ARHGEF38: variants seen among roughly 807,000 people sequenced by gnomAD.
ARHGEF38 encodes the protein Rho guanine nucleotide exchange factor 38.
Under a neutral mutation model 79.9 loss-of-function variants are expected in ARHGEF38, and 79 were observed. The ratio of observed to expected loss-of-function variants is 0.99; its 90% CI spans 0.82 to 1.19. ARHGEF38 has a LOEUF of 1.19. Among genes scored for constraint, ARHGEF38 ranks in the 50% most tolerant of loss-of-function variants. ARHGEF38 has a pLI of 0.00. For synonymous variants in ARHGEF38, 366 were observed against 328.3 expected, an observed-to-expected ratio of 1.11 and a Z score of -1.24; for missense variants, 962 against 907.2, an observed-to-expected ratio of 1.06 and a Z score of -0.78.
intron 1 of ARHGEF38, among the ~76,000 whole-genome samples, chr4:105,560,256 A>T (rs1426717234): frequency 6.6e-6 from 1 of 152,214 alleles, no homozygotes; most frequent in Admixed American, 6.5e-5. Flanking sequence ...GTCGGGGAAC[A>T]AAATTACAAA....
At position 105,663,270 on chromosome 4, in the gene ARHGEF38, A is replaced by G. The variant is rs1045686568; in HGVS notation, c.1546-2907A>G. On this transcript the variant is annotated intron_variant, in intron 10 of 13. Transcript: ENST00000420470. ...TATCCTTCTGTTTAAATTTTCTCAT[A>G]TGAATTAAAATGAGAATAATAATGT... 6.6e-5 allele frequency among the ~76,000 whole-genome samples: 10 copies of G among 152,320 alleles called. No individual in the cohort carries two copies. The South Asian group carries it at 2.1e-3, about 32-fold the overall frequency.
chr4:105,561,409 A>G (rs76684396), intron 1 of ARHGEF38, among the ~76,000 whole-genome samples: 1,255 of 51,142 alleles, frequency 0.025, 75 homozygotes, highest in African/African-American at 0.03. Context: ...ATAATAGAAT[A>G]GAATAGAATA....
intron 13 of ARHGEF38, among the ~76,000 whole-genome samples, chr4:105,673,338 G>T (rs1035901887): frequency 6.6e-6 from 1 of 151,996 alleles, no homozygotes; most frequent in Admixed American, 6.6e-5. Context: ...GTTTAATAAC[G>T]GCTAAAACCC....
intron 1 of ARHGEF38, among the ~76,000 whole-genome samples, chr4:105,575,297 A>G (rs913531217): frequency 4.6e-5 from 7 of 152,088 alleles, no homozygotes; most frequent in African/African-American, 1.7e-4. Flanking sequence ...TTCTCCTTTC[A>G]TTACATCTAC....
At chr4:105,576,913 G>A (rs377740094) in intron 1 of ARHGEF38, among the ~76,000 whole-genome samples, 9 of 151,956 alleles carry the variant, frequency 5.9e-5, no homozygotes, top group South Asian at 2.1e-4. Context: ...GTGATGTATC[G>A]CACATATTGA....
chr4:105,605,783 C>T (rs891078940), intron 2 of ARHGEF38, among the ~76,000 whole-genome samples: 2 of 152,194 alleles, frequency 1.3e-5, no homozygotes, highest in Admixed American at 1.3e-4. Context: ...CCAGTGGTTG[C>T]TGGGGCTTTC....
At chr4:105,666,464 T>A (rs1730753423) in intron 11 of ARHGEF38, 144 bp downstream of exon 11, 2 of 997,748 alleles carry the variant, frequency 2.0e-6, no homozygotes, top group Admixed American at 3.4e-5. Context: ...TACATTTCTA[T>A]CCTATATACC....
At chr4:105,618,033 G>T (rs1319911116) in intron 3 of ARHGEF38, among the ~76,000 whole-genome samples, 1 of 151,878 alleles carries the variant, frequency 6.6e-6, no homozygotes, top group Admixed American at 6.6e-5. Context: ...GAGAATGAAA[G>T]AAAACAATTC....
At position 105,659,332 on chromosome 4, in the gene ARHGEF38, C is replaced by A; in HGVS notation, c.1512C>A (p.Leu504=). Residue 504 remains leucine (L), a synonymous_variant, in exon 10 of 14, where the codon CTC becomes CTA. Coordinates refer to ENST00000420470, the MANE Select transcript of ARHGEF38 (RefSeq NM_001242729.2). ...TTACCCTCCTTAGGGACCTGATGCT[C>A]GTGGCACAGCAGGCTTACTCCACAC... The part of the protein sequence containing the change: ...SFITLLRDLM[L]VAQQAYSTLV... The A allele has an allele frequency of 2.6e-6, 4 of 1,535,444 alleles. No individual in the cohort carries two copies. Among genetic ancestry groups the A allele is most frequent in the East Asian group, 4.9e-5 (2 of 40,908 alleles).
In ARHGEF38 at chr4:105,575,002, A is replaced by G. The variant is rs1003076446; in HGVS notation, c.197-14246A>G. ...CATATATATATATGTACACACATAC[A>G]CACACATATATACACACACACACAC... is the stretch of plus-strand genomic sequence containing the variant. On this transcript the variant is annotated intron_variant, in intron 1 of 13. Coordinates refer to ENST00000420470, the MANE Select transcript of ARHGEF38 (RefSeq NM_001242729.2). 7.8e-5 allele frequency among the ~76,000 whole-genome samples: 7 copies of G among 90,302 alleles called. No individual in the cohort carries two copies. In the Admixed American group the frequency reaches 9.1e-4, roughly 12 times the overall value. The allele number at this position is 90,302 out of a possible 152,430, so 59.2% of individuals were successfully genotyped here.
chr4:105,659,900 C>A (rs1730496725), intron 10 of ARHGEF38, among the ~76,000 whole-genome samples: 1 of 143,180 alleles, frequency 7.0e-6, no homozygotes, highest in African/African-American at 2.9e-5. Context: ...GCTTCGCCTC[C>A]CATTAGGATA....
intron 5 of ARHGEF38, among the ~76,000 whole-genome samples, chr4:105,640,184 TCC>T (rs758776779): frequency 1.3e-5 from 2 of 151,914 alleles, no homozygotes; most frequent in Non-Finnish European, 2.9e-5. Flanking sequence ...ATTTCTCCAT[TCC>T]CCCTAAGTTG....
rs77466092 is a variant in ARHGEF38 at position 105,680,500 on chromosome 4, A to G, written c.*2563A>G. 1.9e-4 allele frequency: 29 copies of G among 153,684 alleles called. No individual in the cohort carries two copies. The East Asian group carries it at 5.3e-3, about 28-fold the overall frequency. The allele number at this position is 153,684 out of a possible 1,614,324, so 9.5% of individuals were successfully genotyped here. A position where few individuals can be genotyped will look rare whatever the true frequency, so the allele number is the denominator to read the frequency against. On this transcript the variant is annotated 3_prime_UTR_variant, in exon 14 of 14. Coordinates refer to ENST00000420470, the MANE Select transcript of ARHGEF38 (RefSeq NM_001242729.2). Reference sequence around the variant, plus strand: ...ATAACAAACTAAATAAAATGATCATAAAATAATAAATGCTATTTATATAAA... The same window carrying G: ...ATAACAAACTAAATAAAATGATCATGAAATAATAAATGCTATTTATATAAA...
chr4:105,655,681 T>C lies in ARHGEF38; in HGVS notation c.1192T>C (p.Ser398Pro), dbSNP rs552490292. 12 of 1,535,838 alleles carry C rather than the reference T, an allele frequency of 7.8e-6. No homozygotes were observed. In the South Asian group the frequency reaches 1.4e-4, roughly 18 times the overall value. The change falls in exon 9 of 14, where the codon TCT (serine) becomes CCT (proline). Residue 398 changes from serine (S) to proline (P), a missense_variant. Transcript: ENST00000420470. The stretch of plus-strand genomic sequence containing the variant: ...CAACAAAGACGATGAGATGGACTAT[T>C]CTGAGACCCTAAGTAATGCCTTAAA... ...SYNKDDEMDY[S>P]ETLSNALNSC... is the part of the protein sequence containing the mutation.
intron 1 of ARHGEF38, among the ~76,000 whole-genome samples, chr4:105,564,828 A>G (rs1171591368): frequency 1.3e-5 from 2 of 152,206 alleles, no homozygotes; most frequent in African/African-American, 4.8e-5. Flanking sequence ...TGAGCCAAAT[A>G]TGAGTGGCCA....
chr4:105,664,621 G>T (rs919230686), intron 10 of ARHGEF38, among the ~76,000 whole-genome samples: 3 of 152,146 alleles, frequency 2.0e-5, no homozygotes, highest in African/African-American at 7.2e-5. Context: ...ATTCCAGTAG[G>T]AAAAACATAA....
At chr4:105,675,962 G>A (rs1385788707) in intron 13 of ARHGEF38, among the ~76,000 whole-genome samples, 1 of 152,176 alleles carries the variant, frequency 6.6e-6, no homozygotes, top group Non-Finnish European at 1.5e-5. Context: ...CATAAACTTT[G>A]AGGGGAAACA....
chr4:105,656,104 G>C (rs1730312289), intron 9 of ARHGEF38, among the ~76,000 whole-genome samples: 1 of 152,090 alleles, frequency 6.6e-6, no homozygotes, highest in Admixed American at 6.6e-5. Context: ...GCCCAGGCTG[G>C]AGTGCAGTGG....
chr4:105,617,348 T>G (rs1167723215), intron 3 of ARHGEF38, among the ~76,000 whole-genome samples: 1 of 152,138 alleles, frequency 6.6e-6, no homozygotes, highest in Non-Finnish European at 1.5e-5. Flanking sequence ...AAATGATTGG[T>G]GTATATATGA....
Sources: allele counts gnomAD v4.1 joint callset (sites outside exome capture counted in the v4.1 genomes callset), GRCh38; gene constraint gnomAD v4.1.1; transcripts MANE v1.5; gene names NCBI Gene and HGNC (gene_info 2026-07-23, HGNC 2026-07-21).